Variants in HACE1 observed in about 807,000 individuals in gnomAD.
The protein encoded by HACE1 is HECT domain and ankyrin repeat containing E3 ubiquitin protein ligase 1.
Under a neutral mutation model 118.4 loss-of-function variants are expected in HACE1, and 73 were observed. The ratio of observed to expected loss-of-function variants is 0.62; its 90% CI spans 0.51 to 0.75. HACE1 has a LOEUF of 0.75. Among genes scored for constraint, HACE1 ranks in the 30% least tolerant of loss-of-function variants. The pLI, the probability that HACE1 is intolerant of heterozygous loss-of-function variation, is 0.00. For synonymous variants in HACE1, 368 were observed against 374.8 expected, an observed-to-expected ratio of 0.98 and a Z score of 0.21; for missense variants, 749 against 1,102.2, an observed-to-expected ratio of 0.68 and a Z score of 4.54.
chr6:104,770,111 C>T (rs1436159181), intron 19 of HACE1, among the ~76,000 whole-genome samples: 1 of 152,086 alleles, frequency 6.6e-6, no homozygotes, highest in Non-Finnish European at 1.5e-5. Flanking sequence ...CCACATTTTA[C>T]TAAATCTATA....
chr6:104,848,273 T>G (rs1390875420), intron 4 of HACE1, among the ~76,000 whole-genome samples: 1 of 150,702 alleles, frequency 6.6e-6, no homozygotes, highest in Non-Finnish European at 1.5e-5. Context: ...CTGGCCAACA[T>G]GGTGAAACCC....
chr6:104,742,192 T>A (rs62419343), intron 22 of HACE1, among the ~76,000 whole-genome samples: 2,501 of 100,196 alleles, frequency 0.025, no homozygotes, highest in Admixed American at 0.027. Flanking sequence ...ACGTTAGACC[T>A]AAAACCATAA....
At chr6:104,761,027 G>A (rs139062351) in intron 19 of HACE1, among the ~76,000 whole-genome samples, 170 of 152,096 alleles carry the variant, frequency 1.1e-3, no homozygotes, top group Non-Finnish European at 2.2e-3. Context: ...ACTACAAACC[G>A]CTGCTTTAAG....
chr6:104,733,205 C>G (rs1436990975), intron 22 of HACE1, among the ~76,000 whole-genome samples: 1 of 152,088 alleles, frequency 6.6e-6, no homozygotes, highest in African/African-American at 2.4e-5. Flanking sequence ...GATTTTTATA[C>G]AAATTATAGC....
At chr6:104,792,911 G>C (rs984103356) in intron 10 of HACE1, among the ~76,000 whole-genome samples, 3 of 152,154 alleles carry the variant, frequency 2.0e-5, no homozygotes, top group Admixed American at 2.0e-4. Flanking sequence ...AGAAGCTCAA[G>C]GTTGTTGCTG....
intron 19 of HACE1, among the ~76,000 whole-genome samples, chr6:104,766,184 A>G (rs1162587108): frequency 1.6e-4 from 25 of 152,208 alleles, no homozygotes; most frequent in Admixed American, 1.6e-3. Flanking sequence ...CTCTTGGCAT[A>G]TGCGTCCTGC....
At chr6:104,843,343 T>C (rs1775296856) in intron 4 of HACE1, 45 bp from the exon 5 acceptor site, 1 of 861,784 alleles carries the variant, frequency 1.2e-6, no homozygotes, top group Non-Finnish European at 2.0e-6. Context: ...TTAAAAAATA[T>C]ATGCAAATGA....
intron 22 of HACE1, among the ~76,000 whole-genome samples, chr6:104,732,768 G>T (rs11156414): frequency 0.23 from 34,213 of 152,012 alleles, 4,974 homozygotes; most frequent in African/African-American, 0.42. Context: ...TCACTGATAT[G>T]TATACATCCA....
Position 104,735,689 on chromosome 6 carries a change from C to G in HACE1, c.2514-5273G>C, listed in dbSNP as rs550827525. 1.1e-3 allele frequency among the ~76,000 whole-genome samples: 173 copies of G among 152,024 alleles called. 3 individuals carry two copies. The South Asian group carries it at 0.034, about 30-fold the overall frequency. On this transcript the variant is annotated intron_variant, in intron 22 of 23. Transcript: ENST00000262903. Reference sequence around the variant, plus strand: ...TGCTGATAAAAGGAGTACATTCTCTCATTCTCTACTGACATCAATACCCTT... The same window carrying G: ...TGCTGATAAAAGGAGTACATTCTCTGATTCTCTACTGACATCAATACCCTT...
intron 19 of HACE1, among the ~76,000 whole-genome samples, chr6:104,762,831 G>C (rs913033934): frequency 6.6e-6 from 1 of 151,614 alleles, no homozygotes; most frequent in African/African-American, 2.4e-5. Flanking sequence ...TCTACTAAAA[G>C]TACAAAAAAT....
At chr6:104,812,039 T>C (rs1031282812) in intron 6 of HACE1, among the ~76,000 whole-genome samples, 1 of 152,112 alleles carries the variant, frequency 6.6e-6, no homozygotes, top group African/African-American at 2.4e-5. Flanking sequence ...TGACTCATAC[T>C]AAGAGAGAGT....
chr6:104,844,974 C>T (rs911113370), intron 4 of HACE1, among the ~76,000 whole-genome samples: 3 of 152,012 alleles, frequency 2.0e-5, no homozygotes, highest in African/African-American at 4.8e-5. Context: ...CCCATCACAA[C>T]CATTTTTAAG....
chr6:104,731,642 T>C (rs1775212218), intron 22 of HACE1: 1 of 152,080 alleles, frequency 6.6e-6, no homozygotes, highest in Non-Finnish European at 1.5e-5. Flanking sequence ...ACGAAGTGTG[T>C]TGGGAAAACC....
intron 7 of HACE1, among the ~76,000 whole-genome samples, chr6:104,810,915 G>A (rs1771530723): frequency 6.6e-6 from 1 of 151,922 alleles, no homozygotes; most frequent in African/African-American, 2.4e-5. Flanking sequence ...AAATGACCTG[G>A]TTACATAACA....
intron 7 of HACE1, among the ~76,000 whole-genome samples, chr6:104,797,731 G>GT (rs1268940985): frequency 1.3e-5 from 2 of 151,940 alleles, no homozygotes; most frequent in African/African-American, 4.8e-5. Flanking sequence ...GTAGAATTGT[G>GT]TAACTATCAC....
At chr6:104,822,585 G>A (rs1044921069) in intron 6 of HACE1, among the ~76,000 whole-genome samples, 30 of 151,864 alleles carry the variant, frequency 2.0e-4, no homozygotes, top group African/African-American at 6.1e-4. Flanking sequence ...GGCCGAGCGC[G>A]GTGGCTCACA....
At chr6:104,837,714 T>G (rs889691025) in intron 5 of HACE1, among the ~76,000 whole-genome samples, 22 of 152,148 alleles carry the variant, frequency 1.4e-4, no homozygotes, top group African/African-American at 5.1e-4. Context: ...CTGGAAGACC[T>G]AGCTAGAGCA....
At chr6:104,795,472 T>C in intron 10 of HACE1, 107 bp downstream of exon 10, 1 of 758,798 alleles carries the variant, frequency 1.3e-6, no homozygotes, top group Non-Finnish European at 2.3e-6. Context: ...CAAATTTTTA[T>C]AACATCGTTA....
chr6:104,772,067 A>G lies in HACE1; in HGVS notation c.1872T>C (p.Thr624=). ...CATAAGAGTTGCTATTAGGCTGAAAAGTTGTTCCTATTGAAATAAATACAA... is the reference window on the plus strand; with the variant it reads ...CATAAGAGTTGCTATTAGGCTGAAAGGTTGTTCCTATTGAAATAAATACAA... ...ALFTQSADGT[T]FQPNSNSYVN... Residue 624 remains threonine, a synonymous_variant, in exon 18 of 24, where the codon ACT becomes ACC. Coordinates refer to ENST00000262903, the MANE Select transcript of HACE1 (RefSeq NM_020771.4). 6.4e-7 allele frequency: 1 copy of G among 1,572,332 alleles called. No homozygotes were observed. The highest frequency in any genetic ancestry group is 8.7e-7 in the Non-Finnish European group (1 of 1,142,940).
Sources: gnomAD v4.1 joint callset for allele counts (sites outside exome capture counted in the v4.1 genomes callset) on GRCh38, gnomAD v4.1.1 for gene constraint, MANE v1.5 for transcripts, NCBI Gene and HGNC (gene_info 2026-07-23, HGNC 2026-07-21) for gene names.